The following SAMD5 variants were observed in gnomAD, a reference collection of about 807,000 sequenced individuals.
The protein encoded by SAMD5 is sterile alpha motif domain containing 5.
SAMD5 carries 13 observed loss-of-function variants against 11.3 expected under a neutral mutation model. The ratio of observed to expected loss-of-function variants is 1.15; its 90% CI spans 0.75 to 1.83. The LOEUF is 1.83. Among genes scored for constraint, SAMD5 ranks in the 40% most tolerant of loss-of-function variants. The pLI is 0.00. For missense variants in SAMD5, 255 were observed against 239.1 expected (o/e 1.07, Z -0.44); for synonymous variants, 129 against 111.3 (o/e 1.16, Z -1.00).
At chr6:147,869,476 G>A in the SAMD5 span, among the ~76,000 whole-genome samples, 1 of 152,200 alleles carries the variant, frequency 6.6e-6, no homozygotes, top group South Asian at 2.1e-4. Flanking sequence ...TGGAATGGGG[G>A]AAAATGGAAT....
At chr6:147,563,714 A>C (rs1788990957) in intron 1 of SAMD5, among the ~76,000 whole-genome samples, 1 of 152,244 alleles carries the variant, frequency 6.6e-6, no homozygotes, top group South Asian at 2.1e-4. Flanking sequence ...TAATTAGTGT[A>C]ATATAAACCC....
At chr6:147,581,047 C>G (rs1234272827) in intron 1 of SAMD5, among the ~76,000 whole-genome samples, 1 of 152,158 alleles carries the variant, frequency 6.6e-6, no homozygotes, top group Non-Finnish European at 1.5e-5. Context: ...TCCAAAGAGG[C>G]TGCCTAAGGT....
intron 1 of SAMD5, among the ~76,000 whole-genome samples, chr6:147,562,610 C>A (rs1788969113): frequency 1.3e-5 from 2 of 152,114 alleles, no homozygotes; most frequent in Admixed American, 1.3e-4. Flanking sequence ...ATCACGAGGT[C>A]AGGAGATCAA....
chr6:147,609,912 AT>A (rs373701284), intron 1 of SAMD5, among the ~76,000 whole-genome samples: 2 of 152,086 alleles, frequency 1.3e-5, no homozygotes, highest in Admixed American at 1.3e-4. Flanking sequence ...AAGCATTTCT[AT>A]TTTTTTTATT....
the SAMD5 span, among the ~76,000 whole-genome samples, chr6:147,743,744 G>A: frequency 6.6e-6 from 1 of 152,072 alleles, no homozygotes; most frequent in African/African-American, 2.4e-5. Flanking sequence ...AACCCATCCT[G>A]CAATTAATTC....
At chr6:147,512,302 A>G (rs1444958121) in intron 1 of SAMD5, among the ~76,000 whole-genome samples, 1 of 152,056 alleles carries the variant, frequency 6.6e-6, no homozygotes, top group African/African-American at 2.4e-5. Context: ...TGCTTGGTGG[A>G]GTGGGCTTTT....
At chr6:147,704,018 C>T (rs895874157) in intron 1 of SAMD5, among the ~76,000 whole-genome samples, 2 of 152,286 alleles carry the variant, frequency 1.3e-5, no homozygotes, top group African/African-American at 4.8e-5. Flanking sequence ...GCCTCAGCCT[C>T]CTGAGTAGCT....
the SAMD5 span, among the ~76,000 whole-genome samples, chr6:147,825,560 A>G: frequency 6.6e-6 from 1 of 151,734 alleles, no homozygotes; most frequent in African/African-American, 2.4e-5. Context: ...AGCTCATATA[A>G]CATAGATGAA....
intron 1 of SAMD5, among the ~76,000 whole-genome samples, chr6:147,720,170 AT>A (rs1562359481): frequency 6.6e-6 from 1 of 152,170 alleles, no homozygotes; most frequent in African/African-American, 2.4e-5. Context: ...AGTGACACCA[AT>A]GGAGATTTAA....
At chr6:147,848,328 A>G in the SAMD5 span, among the ~76,000 whole-genome samples, 1 of 152,184 alleles carries the variant, frequency 6.6e-6, no homozygotes, top group Admixed American at 6.5e-5. Context: ...CTCTGTGATA[A>G]TTCAGAGCCC....
the SAMD5 span, among the ~76,000 whole-genome samples, chr6:147,795,694 T>C: frequency 2.5e-4 from 38 of 149,884 alleles, no homozygotes; most frequent in East Asian, 5.9e-3. Flanking sequence ...AGTGTAAAAG[T>C]GTTCCTGTTT....
chr6:147,948,061 T>C, the SAMD5 span, among the ~76,000 whole-genome samples: 26 of 152,288 alleles, frequency 1.7e-4, no homozygotes, highest in African/African-American at 6.3e-4. Context: ...AATGTGGCGA[T>C]TAAGTCCTAC....
chr6:147,676,954 A>C (rs1790872585), intron 1 of SAMD5, among the ~76,000 whole-genome samples: 1 of 152,140 alleles, frequency 6.6e-6, no homozygotes, highest in Admixed American at 6.6e-5. Flanking sequence ...GAGGGGCCAG[A>C]TAAAAATAAA....
intron 1 of SAMD5, among the ~76,000 whole-genome samples, chr6:147,527,441 G>A (rs1037240684): frequency 6.6e-6 from 1 of 152,092 alleles, no homozygotes; most frequent in Non-Finnish European, 1.5e-5. Context: ...TTCCAAGGGG[G>A]CATGGAGCCA....
downstream of SAMD5, among the ~76,000 whole-genome samples, chr6:147,738,730 C>G (rs560108236): frequency 6.6e-6 from 1 of 152,192 alleles, no homozygotes; most frequent in Non-Finnish European, 1.5e-5. Flanking sequence ...GATGAAAAAC[C>G]ATAAACTGAG....
chr6:147,727,624 A>G (rs1791647129), intron 1 of SAMD5, among the ~76,000 whole-genome samples: 1 of 151,300 alleles, frequency 6.6e-6, no homozygotes, highest in African/African-American at 2.4e-5. Context: ...TTCTTCCTAG[A>G]TGATTTTCAA....
chr6:147,680,815 T>C (rs1280619229), intron 1 of SAMD5, among the ~76,000 whole-genome samples: 1 of 152,178 alleles, frequency 6.6e-6, no homozygotes, highest in Non-Finnish European at 1.5e-5. Context: ...AATTTGGATG[T>C]TAAAGCAACC....
chr6:147,528,403 G>A (rs181356765), intron 1 of SAMD5, among the ~76,000 whole-genome samples: 68 of 152,210 alleles, frequency 4.5e-4, no homozygotes, highest in Non-Finnish European at 7.5e-4. Context: ...GTGTCCTCAC[G>A]TGGTCACCCC....
chr6:147,769,560 T>C, the SAMD5 span, among the ~76,000 whole-genome samples: 1 of 152,204 alleles, frequency 6.6e-6, no homozygotes, highest in African/African-American at 2.4e-5. Flanking sequence ...GATTAATAGA[T>C]TATAATCATT....
Sources: allele counts gnomAD v4.1 joint callset (sites outside exome capture counted in the v4.1 genomes callset), GRCh38; gene constraint gnomAD v4.1.1; transcripts MANE v1.5; gene names NCBI Gene and HGNC (gene_info 2026-07-23, HGNC 2026-07-21).